GRIP1: variants seen among roughly 807,000 people sequenced by gnomAD.
GRIP1 encodes glutamate receptor interacting protein 1, also known as glutamate receptor-interacting protein 1.
Under a neutral mutation model 129.9 loss-of-function variants are expected in GRIP1, and 45 were observed. The observed-to-expected ratio is 0.35, with a 90% CI of 0.27 to 0.44. The LOEUF is 0.44. Ranked by LOEUF, GRIP1 falls within the 20% of genes least tolerant of loss-of-function variation. The pLI, the probability that GRIP1 is intolerant of heterozygous loss-of-function variation, is 1.00. For missense variants in GRIP1, 1,196 were observed against 1,396.8 expected (o/e 0.86, Z 2.29); for synonymous variants, 530 against 520.8 (o/e 1.02, Z -0.24).
chr12:66,728,073 C>G (rs900956153), intron 1 of GRIP1, among the ~76,000 whole-genome samples: 1 of 152,130 alleles, frequency 6.6e-6, no homozygotes, highest in African/African-American at 2.4e-5. Context: ...AAGACAAAAA[C>G]CCCACAACAG....
At chr12:66,393,918 T>G (rs1379556998) in intron 17 of GRIP1, among the ~76,000 whole-genome samples, 1 of 152,176 alleles carries the variant, frequency 6.6e-6, no homozygotes, top group Admixed American at 6.5e-5. Flanking sequence ...AGTTTCCTCC[T>G]CTCAAAATGG....
chr12:66,572,037 A>C (rs1286259662), intron 2 of GRIP1, among the ~76,000 whole-genome samples: 2 of 152,088 alleles, frequency 1.3e-5, no homozygotes, highest in South Asian at 2.1e-4. Flanking sequence ...GCCTAAAAAA[A>C]CCCCACACTT....
rs544261098 is a variant in GRIP1 at position 66,902,847 on chromosome 12, T to C, written c.58+166203A>G. ...TATTGTTGTTAGCGCTTTTGAATTA[T>C]TGAACAGTAAAGATACATGTTCTGC... On this transcript the variant is annotated intron_variant, in intron 1 of 1. Transcript: ENST00000643019. 5.3e-5 allele frequency among the ~76,000 whole-genome samples: 8 copies of C among 152,356 alleles called. No homozygotes were observed. The East Asian group carries it at 1.2e-3, about 22-fold the overall frequency.
At chr12:66,388,415 G>C (rs2056448204) in intron 19 of GRIP1, among the ~76,000 whole-genome samples, 1 of 152,156 alleles carries the variant, frequency 6.6e-6, no homozygotes, top group South Asian at 2.1e-4. Flanking sequence ...AAGTTACAGA[G>C]AGCACAAGAG....
At chr12:67,069,169 G>T (rs1282049692), upstream of GRIP1, 5 of 936,038 alleles carry the variant, frequency 5.3e-6, no homozygotes, top group Middle Eastern at 5.3e-4. Context: ...TTTCTCCGGG[G>T]CTCTCCGCGC....
At chr12:66,484,858 A>C (rs937308415) in intron 7 of GRIP1, among the ~76,000 whole-genome samples, 3 of 152,192 alleles carry the variant, frequency 2.0e-5, no homozygotes, top group African/African-American at 7.2e-5. Context: ...GAAATTATAA[A>C]TGTTTGAGGT....
intron 1 of GRIP1, among the ~76,000 whole-genome samples, chr12:66,810,285 T>C (rs548813695): frequency 6.6e-6 from 1 of 152,266 alleles, no homozygotes; most frequent in Admixed American, 6.5e-5. Context: ...TGGCCAGGCA[T>C]GGTGGCTCAC....
chr12:66,390,538 A>G (rs1329161211), intron 19 of GRIP1, among the ~76,000 whole-genome samples: 1 of 152,164 alleles, frequency 6.6e-6, no homozygotes, highest in Non-Finnish European at 1.5e-5. Context: ...TTTACTAGTG[A>G]GGGGCAGGTC....
intron 7 of GRIP1, among the ~76,000 whole-genome samples, chr12:66,513,984 C>A (rs941540289): frequency 6.6e-6 from 1 of 152,120 alleles, no homozygotes; most frequent in Admixed American, 6.6e-5. Flanking sequence ...TCCTTCTAAG[C>A]CTTTGGGTTT....
At chr12:66,962,621 T>C (rs554083389) in intron 1 of GRIP1, among the ~76,000 whole-genome samples, 1 of 152,208 alleles carries the variant, frequency 6.6e-6, no homozygotes, top group Non-Finnish European at 1.5e-5. Context: ...ACTGCAAACA[T>C]ACACTTTAAT....
chr12:66,491,700 C>T (rs2060108822), intron 7 of GRIP1, among the ~76,000 whole-genome samples: 2 of 152,280 alleles, frequency 1.3e-5, no homozygotes, highest in African/African-American at 4.8e-5. Context: ...TTTCAGGAAA[C>T]TCAAAGTTTA....
chr12:67,018,774 G>T (rs749759038), intron 1 of GRIP1, among the ~76,000 whole-genome samples: 19 of 152,086 alleles, frequency 1.2e-4, no homozygotes, highest in Non-Finnish European at 2.2e-4. Context: ...GCTCCATTTT[G>T]TAAAACCAAT....
intron 1 of GRIP1, among the ~76,000 whole-genome samples, chr12:67,068,849 T>C (rs1482382247): frequency 0.016 from 33 of 2,104 alleles, 1 homozygote; most frequent in South Asian, 0.028. Flanking sequence ...TGCCCTCTCA[T>C]CCCGCCCCCC....
chr12:66,997,958 T>TA (rs544172560), intron 1 of GRIP1, among the ~76,000 whole-genome samples: 3 of 151,940 alleles, frequency 2.0e-5, no homozygotes, highest in East Asian at 1.9e-4. Flanking sequence ...AAATTTCATT[T>TA]AAAAAAAATC....
chr12:66,759,584 A>G (rs1254583814), intron 1 of GRIP1, among the ~76,000 whole-genome samples: 3 of 152,166 alleles, frequency 2.0e-5, no homozygotes, highest in Non-Finnish European at 4.4e-5. Flanking sequence ...TTTCTGAACT[A>G]TTATGCTCTG....
At chr12:66,588,630 C>T (rs188160809) in intron 2 of GRIP1, among the ~76,000 whole-genome samples, 5 of 152,164 alleles carry the variant, frequency 3.3e-5, no homozygotes, top group East Asian at 1.9e-4. Flanking sequence ...CAAGGTCTAC[C>T]GTTTTCTAGC....
chr12:66,740,636 G>A lies in GRIP1; in HGVS notation c.-420+63417C>T, dbSNP rs546768841. ...AACTATAGGGAGGTAAATGAAGACT[G>A]TATTTAGAATCAAACTTACATCTAT... On this transcript the variant is annotated intron_variant, in intron 1 of 4. Transcript: ENST00000538373. Among the ~76,000 whole-genome samples, 6 of 152,320 alleles carry A rather than the reference G, an allele frequency of 3.9e-5. No individual in the cohort carries two copies. In the East Asian group the frequency reaches 7.7e-4, roughly 20 times the overall value.
At chr12:66,875,485 A>G (rs1008213863) in intron 1 of GRIP1, among the ~76,000 whole-genome samples, 2 of 152,110 alleles carry the variant, frequency 1.3e-5, no homozygotes, top group African/African-American at 4.8e-5. Flanking sequence ...CTAGGGCTCC[A>G]TCATTCCACA....
At position 66,819,231 on chromosome 12, in the gene GRIP1, A is replaced by G. The variant is rs970687073; in HGVS notation, c.59-222304T>C. 4.6e-5 allele frequency among the ~76,000 whole-genome samples: 7 copies of G among 152,214 alleles called. 1 individual carries two copies. Among genetic ancestry groups the G allele is most frequent in the African/African-American group, 1.7e-4 (7 of 41,452 alleles). On this transcript the variant is annotated intron_variant, in intron 1 of 1. Coordinates refer to the GRIP1 transcript ENST00000643019. ...TTTTGTTGATTTTAAAGCTAGAATA[A>G]TGAATTCAATCCTTTCAGCTAATAA...
Sources: allele counts gnomAD v4.1 joint callset (sites outside exome capture counted in the v4.1 genomes callset), GRCh38; gene constraint gnomAD v4.1.1; transcripts MANE v1.5; gene names NCBI Gene and HGNC (gene_info 2026-07-23, HGNC 2026-07-21).